DPYS: variants seen among roughly 807,000 people sequenced by gnomAD.
The protein encoded by DPYS is dihydropyrimidinase, also known as dihydropyrimidine amidohydrolase.
A neutral mutation model predicts 50.3 loss-of-function variants in DPYS; 39 were observed. The ratio of observed to expected loss-of-function variants is 0.78; its 90% CI spans 0.60 to 1.01. The LOEUF (loss-of-function observed/expected upper bound fraction) is 1.01. Ranked by LOEUF, DPYS falls within the 50% of genes least tolerant of loss-of-function variation. The pLI, the probability that DPYS is intolerant of heterozygous loss-of-function variation, is 0.00. For synonymous variants in DPYS, 245 were observed against 250.7 expected (o/e 0.98, Z 0.22); for missense variants, 659 against 680.9 (o/e 0.97, Z 0.36).
chr8:104,453,091 A>T (rs1813810610), intron 1 of DPYS, among the ~76,000 whole-genome samples: 1 of 151,962 alleles, frequency 6.6e-6, no homozygotes, highest in South Asian at 2.1e-4. Flanking sequence ...GTCCTACCTG[A>T]TATGCCAGCT....
At chr8:104,399,878 A>AAC (rs1257761357) in intron 7 of DPYS, among the ~76,000 whole-genome samples, 7 of 150,896 alleles carry the variant, frequency 4.6e-5, no homozygotes, top group Admixed American at 2.0e-4. Context: ...AAAAAAAAAA[A>AAC]AAAAAAAAAA....
rs1814444823 is a variant in DPYS at position 104,467,002 on chromosome 8, C to T, written c.-82G>A. 1.5e-6 allele frequency: 2 copies of T among 1,346,460 alleles called. No homozygotes were observed. Among genetic ancestry groups the T allele is most frequent in the Non-Finnish European group, 1.9e-6 (2 of 1,052,554 alleles). The allele number at this position is 1,346,460 out of a possible 1,614,324, so 83.4% of individuals were successfully genotyped here. On this transcript the variant is annotated 5_prime_UTR_variant, in exon 1 of 10. Coordinates refer to ENST00000351513, the MANE Select transcript of DPYS (RefSeq NM_001385.3). ...GCGGGCCGGGCGGGCTTGGGGTGCCCTCCTGCAAGGTCCCCACCGACAGCC... is the reference window on the plus strand; with the variant it reads ...GCGGGCCGGGCGGGCTTGGGGTGCCTTCCTGCAAGGTCCCCACCGACAGCC...
rs759846871 is a variant in DPYS at position 104,429,627 on chromosome 8, G to A, written c.868C>T (p.His290Tyr). Residue 290 changes from histidine to tyrosine, a missense_variant, in exon 5 of 10, where the codon CAC (histidine) becomes TAC (tyrosine). Coordinates refer to ENST00000351513, the MANE Select transcript of DPYS (RefSeq NM_001385.3). Reference protein sequence around the residue: ...DGTHYWNKEWHHAAHHVMGPP... With the variant: ...DGTHYWNKEWYHAAHHVMGPP... The stretch of plus-strand genomic sequence containing the variant: ...CCCATGACATGGTGGGCTGCATGGT[G>A]CCATTCTTTATTCCAGTAGTGAGTG... The A allele has an allele frequency of 1.2e-6, 2 of 1,614,144 alleles. No individual in the cohort carries two copies. The highest frequency in any genetic ancestry group is 3.3e-5 in the Admixed American group (2 of 60,022).
intron 4 of DPYS, among the ~76,000 whole-genome samples, chr8:104,439,626 A>G (rs1007117603): frequency 1.3e-5 from 2 of 152,098 alleles, no homozygotes. Context: ...CTACAAAAAA[A>G]TTTTAAAAAT....
At chr8:104,455,595 G>A (rs922851136) in intron 1 of DPYS, among the ~76,000 whole-genome samples, 4 of 152,188 alleles carry the variant, frequency 2.6e-5, no homozygotes, top group Non-Finnish European at 5.9e-5. Flanking sequence ...AAGACATACA[G>A]ACCTGTTTCC....
chr8:104,463,012 T>C (rs1363561719), intron 1 of DPYS, among the ~76,000 whole-genome samples: 1 of 152,216 alleles, frequency 6.6e-6, no homozygotes, highest in Non-Finnish European at 1.5e-5. Flanking sequence ...TTAATGTATA[T>C]TCATTTTTAA....
intron 4 of DPYS, among the ~76,000 whole-genome samples, chr8:104,441,985 A>C (rs1331959202): frequency 6.6e-6 from 1 of 152,240 alleles, no homozygotes; most frequent in African/African-American, 2.4e-5. Context: ...GCTACCTTTT[A>C]TGTAGGAAAG....
chr8:104,462,345 C>G (rs1200101862), intron 1 of DPYS, among the ~76,000 whole-genome samples: 1 of 152,152 alleles, frequency 6.6e-6, no homozygotes, highest in Non-Finnish European at 1.5e-5. Flanking sequence ...AAGCACAGCT[C>G]TTCCACAAGT....
chr8:104,381,123 G>T, intron 9 of DPYS, 61 bp downstream of exon 9: 1 of 1,369,832 alleles, frequency 7.3e-7, no homozygotes, highest in Non-Finnish European at 1.0e-6. Context: ...CCCTTATGAG[G>T]AGAGATGCTA....
intron 7 of DPYS, among the ~76,000 whole-genome samples, chr8:104,406,949 G>A (rs2140560529): frequency 6.6e-6 from 1 of 152,276 alleles, no homozygotes; most frequent in African/African-American, 2.4e-5. Context: ...GCTTCCAAAA[G>A]CATTCACCCT....
intron 4 of DPYS, among the ~76,000 whole-genome samples, chr8:104,435,134 T>C (rs1444088489): frequency 6.6e-6 from 1 of 152,134 alleles, no homozygotes; most frequent in African/African-American, 2.4e-5. Flanking sequence ...ATGCCAACAC[T>C]GTGGCAGAAA....
intron 8 of DPYS, among the ~76,000 whole-genome samples, chr8:104,392,572 C>T (rs1024883084): frequency 4.6e-5 from 7 of 152,164 alleles, no homozygotes; most frequent in African/African-American, 1.7e-4. Context: ...CCGAACTGAC[C>T]TATCAGTCTG....
chr8:104,389,200 G>A (rs1811308706), intron 8 of DPYS, among the ~76,000 whole-genome samples: 1 of 152,196 alleles, frequency 6.6e-6, no homozygotes, highest in African/African-American at 2.4e-5. Context: ...AGGGACAACA[G>A]ATAAGCAAAG....
intron 4 of DPYS, among the ~76,000 whole-genome samples, chr8:104,433,304 T>C (rs893036852): frequency 5.3e-5 from 8 of 152,202 alleles, no homozygotes; most frequent in African/African-American, 1.7e-4. Flanking sequence ...AGTTTCCTGA[T>C]AGCCACACGA....
intron 7 of DPYS, among the ~76,000 whole-genome samples, chr8:104,400,956 G>A (rs1001194348): frequency 1.3e-5 from 2 of 152,200 alleles, no homozygotes; most frequent in Admixed American, 6.5e-5. Flanking sequence ...CTGAAGCAGA[G>A]CCTGCAGGAG....
rs1037457366 is a variant in DPYS at position 104,390,564 on chromosome 8, C to A, written c.1443+2220G>T. 2.0e-5 allele frequency among the ~76,000 whole-genome samples: 3 copies of A among 149,864 alleles called. 1 individual carries two copies. The highest frequency in any genetic ancestry group is 2.0e-4 in the Admixed American group (3 of 15,016). On this transcript the variant is annotated intron_variant, in intron 8 of 9. Coordinates refer to ENST00000351513, the MANE Select transcript of DPYS (RefSeq NM_001385.3). ...CCAGGCTGGAGTGCAGTGGTGTGATCTTGGCTCACTGCAACCTCCACCTCC... is the reference window on the plus strand; with the variant it reads ...CCAGGCTGGAGTGCAGTGGTGTGATATTGGCTCACTGCAACCTCCACCTCC...
chr8:104,466,177 G>A (rs6997991), intron 1 of DPYS, among the ~76,000 whole-genome samples: 1 of 152,054 alleles, frequency 6.6e-6, no homozygotes, highest in Non-Finnish European at 1.5e-5. Flanking sequence ...TAACTACCAG[G>A]TGAATGGATT....
intron 5 of DPYS, 29 bp from the exon 6 acceptor site, chr8:104,428,150 G>T: frequency 6.2e-7 from 1 of 1,613,902 alleles, no homozygotes; most frequent in East Asian, 2.2e-5. Context: ...GAGAGTGATG[G>T]GGTGAGTATA....
intron 7 of DPYS, among the ~76,000 whole-genome samples, chr8:104,410,305 T>C (rs1313941387): frequency 6.6e-6 from 1 of 152,090 alleles, no homozygotes; most frequent in South Asian, 2.1e-4. Flanking sequence ...GTCCAATCCA[T>C]CCTACACACT....
Sources: allele counts gnomAD v4.1 joint callset (sites outside exome capture counted in the v4.1 genomes callset), GRCh38; gene constraint gnomAD v4.1.1; transcripts MANE v1.5; gene names NCBI Gene and HGNC (gene_info 2026-07-23, HGNC 2026-07-21).